KCNS3: variants seen among roughly 807,000 people sequenced by gnomAD.
KCNS3 encodes the protein potassium voltage-gated channel modifier subfamily S member 3.
In KCNS3, 13 loss-of-function variants were observed where a neutral mutation model predicts 31.0. That is an observed-to-expected ratio of 0.42 (90% CI 0.27 to 0.67). The LOEUF (loss-of-function observed/expected upper bound fraction) is 0.67. KCNS3 is among the 30% of genes least tolerant of loss of function. The probability of loss-of-function intolerance (pLI) is 0.25; values close to 1 mark genes in which losing one functional copy is unlikely to be tolerated. For missense variants in KCNS3, 545 were observed against 622.4 expected (o/e 0.88, Z 1.32); for synonymous variants, 238 against 241.5 (o/e 0.99, Z 0.13).
chr2:17,932,369 G>A lies in KCNS3; in HGVS notation c.1361G>A (p.Ser454Asn). 6.2e-7 allele frequency: 1 copy of A among 1,614,100 alleles called. No individual in the cohort carries two copies. Among genetic ancestry groups the A allele is most frequent in the South Asian group, 1.1e-5 (1 of 91,068 alleles). Residue 454 changes from serine (S) to asparagine (N), a missense_variant, in exon 3 of 3, where the codon AGT becomes AAT. Coordinates refer to ENST00000304101, the MANE Select transcript of KCNS3 (RefSeq NM_002252.5). ...CAGCGGATGCACACCTTCATTACCA[G>A]TCTCTCTTCTGTAGGCATTGTGGTG... ...YAQRMHTFIT[S>N]LSSVGIVVSD... is the part of the protein sequence containing the mutation.
intron 2 of KCNS3, among the ~76,000 whole-genome samples, chr2:17,922,948 C>T (rs983623581): frequency 6.6e-6 from 1 of 152,096 alleles, no homozygotes; most frequent in Admixed American, 6.6e-5. Context: ...TTTCAGTTCT[C>T]TTGGGACTAT....
At chr2:17,901,582 A>G (rs974857819) in intron 1 of KCNS3, among the ~76,000 whole-genome samples, 1 of 152,156 alleles carries the variant, frequency 6.6e-6, no homozygotes, top group Non-Finnish European at 1.5e-5. Context: ...GGAATGCAAG[A>G]GGGAGACTGG....
chr2:17,932,197 G>C lies in KCNS3; in HGVS notation c.1189G>C (p.Val397Leu). The C allele has an allele frequency of 6.2e-7, 1 of 1,614,060 alleles. No homozygotes were observed. The change falls in exon 3 of 3, where the codon GTG (valine) becomes CTG (leucine). Residue 397 changes from valine to leucine, a missense_variant. Transcript: ENST00000304101. Reference sequence around the variant, plus strand: ...CACATGCATCATCTGTGGCATCTTGGTGGTGGCCCTTCCCATCACCATCAT... The same window carrying C: ...CACATGCATCATCTGTGGCATCTTGCTGGTGGCCCTTCCCATCACCATCAT... ...ASTCIICGIL[V>L]VALPITIIFN...
At chr2:17,881,040 C>A (rs1674634141) in intron 1 of KCNS3, among the ~76,000 whole-genome samples, 1 of 152,202 alleles carries the variant, frequency 6.6e-6, no homozygotes, top group Admixed American at 6.5e-5. Flanking sequence ...ATATCAGATA[C>A]TCTGCTAGGC....
At chr2:17,897,078 G>A (rs1662046651) in intron 1 of KCNS3, among the ~76,000 whole-genome samples, 1 of 151,190 alleles carries the variant, frequency 6.6e-6, no homozygotes, top group Non-Finnish European at 1.5e-5. Context: ...ATTGTTTATT[G>A]TTCCCATCTT....
chr2:17,908,660 G>C (rs1662396143), intron 1 of KCNS3, among the ~76,000 whole-genome samples: 1 of 152,182 alleles, frequency 6.6e-6, no homozygotes, highest in African/African-American at 2.4e-5. Context: ...CTTTCTGTTT[G>C]TTAGTTTTCC....
intron 1 of KCNS3, among the ~76,000 whole-genome samples, chr2:17,917,151 G>C (rs1662609733): frequency 6.6e-6 from 1 of 152,268 alleles, no homozygotes; most frequent in South Asian, 2.1e-4. Context: ...TGTCATTTCT[G>C]ATCTGTGAAA....
chr2:17,932,468 A>C lies in KCNS3; in HGVS notation c.1460A>C (p.Asn487Thr), dbSNP rs749659621. The C allele has an allele frequency of 6.2e-7, 1 of 1,610,964 alleles. No individual in the cohort carries two copies. The highest frequency in any genetic ancestry group is 1.1e-5 in the South Asian group (1 of 90,372). ...EDICNTTSLE[N>T]CTAK ...ATTTGTAACACCACCTCCTTGGAGA[A>C]TTGCACAGCAAAATGAGCGGGGGTG... The change falls in exon 3 of 3, where the codon AAT becomes ACT. Residue 487 changes from asparagine (N) to threonine (T), a missense_variant. Physicochemically the swap from Asn to Thr is moderately conservative, Grantham distance 65 (BLOSUM62 0). Transcript: ENST00000304101.
At chr2:17,908,171 T>C (rs1398671074) in intron 1 of KCNS3, among the ~76,000 whole-genome samples, 1 of 152,210 alleles carries the variant, frequency 6.6e-6, no homozygotes, top group Non-Finnish European at 1.5e-5. Flanking sequence ...CTTTACTCTT[T>C]TTTCTCTAAA....
chr2:17,924,048 G>T (rs1461947), intron 2 of KCNS3, among the ~76,000 whole-genome samples: 96,354 of 151,640 alleles, frequency 0.64, 31,272 homozygotes, highest in East Asian at 0.98. Flanking sequence ...CAACAACATT[G>T]TGTAGTTTTC....
At chr2:17,887,491 C>CTATCTATT (rs1473131211) in intron 1 of KCNS3, among the ~76,000 whole-genome samples, 1 of 148,086 alleles carries the variant, frequency 6.8e-6, no homozygotes, top group African/African-American at 2.5e-5. Context: ...TATGATCTAT[C>CTATCTATT]TATCTATCTA....
rs549575183 is a variant in KCNS3, at chr2:17,886,547, G to A, written c.-252+7741G>A. ...TCTTCCCTTGGTGCTCAGATGTTAC[G>A]AAGATGAGATTCAGCCCTGAGGCTC... is the stretch of plus-strand genomic sequence containing the variant. On this transcript the variant is annotated intron_variant, in intron 1 of 2. Coordinates refer to ENST00000304101, the MANE Select transcript of KCNS3 (RefSeq NM_002252.5). 4.6e-5 allele frequency among the ~76,000 whole-genome samples: 7 copies of A among 152,252 alleles called. No homozygotes were observed. The East Asian group carries it at 1.2e-3, about 25-fold the overall frequency.
chr2:17,885,027 T>C (rs1661609112), intron 1 of KCNS3, among the ~76,000 whole-genome samples: 1 of 152,014 alleles, frequency 6.6e-6, no homozygotes. Context: ...ATTATTTATA[T>C]GTGTTAATGT....
At chr2:17,880,438 TCTC>T (rs1674619056) in intron 1 of KCNS3, among the ~76,000 whole-genome samples, 1 of 152,350 alleles carries the variant, frequency 6.6e-6, no homozygotes, top group East Asian at 1.9e-4. Context: ...CTTCCCTTCT[TCTC>T]TTGTTCTAAT....
intron 1 of KCNS3, among the ~76,000 whole-genome samples, chr2:17,890,967 G>A (rs372360333): frequency 1.8e-4 from 28 of 152,194 alleles, no homozygotes; most frequent in African/African-American, 5.3e-4. Flanking sequence ...GTTTAAATCC[G>A]TTGTTTCTTT....
intron 1 of KCNS3, among the ~76,000 whole-genome samples, chr2:17,886,012 C>T (rs777607920): frequency 3.3e-4 from 50 of 151,914 alleles, no homozygotes; most frequent in African/African-American, 7.5e-4. Context: ...GGCAACAGAG[C>T]GAGACTCCAT....
intron 2 of KCNS3, among the ~76,000 whole-genome samples, chr2:17,922,395 A>G (rs973279942): frequency 2.0e-5 from 3 of 152,134 alleles, no homozygotes; most frequent in African/African-American, 4.8e-5. Flanking sequence ...GATAAATAGA[A>G]ATAGAGTCTC....
chr2:17,888,647 A>AGATATATATATATATATATC (rs1661760033), intron 1 of KCNS3, among the ~76,000 whole-genome samples: 1 of 130,678 alleles, frequency 7.7e-6, no homozygotes, highest in African/African-American at 2.8e-5. Context: ...ATATATATAT[A>AGATATATATATATATATATC]TATATATATA....
At chr2:17,898,244 GT>G (rs34039979) in intron 1 of KCNS3, among the ~76,000 whole-genome samples, 95,424 of 124,292 alleles carry the variant, frequency 0.77, 36,340 homozygotes, top group East Asian at 0.92. Flanking sequence ...ATGCCTCTAG[GT>G]TTTTTTTTTT....
Sources: allele counts gnomAD v4.1 joint callset (sites outside exome capture counted in the v4.1 genomes callset), GRCh38; gene constraint gnomAD v4.1.1; transcripts MANE v1.5; gene names NCBI Gene and HGNC (gene_info 2026-07-23, HGNC 2026-07-21).